The following KLHL1 variants were observed in gnomAD, a reference collection of about 807,000 sequenced individuals.
KLHL1 encodes kelch-like protein 1.
Under a neutral mutation model 77.7 loss-of-function variants are expected in KLHL1, and 47 were observed. The ratio of observed to expected loss-of-function variants is 0.60; its 90% CI spans 0.48 to 0.77. The LOEUF (loss-of-function observed/expected upper bound fraction) is 0.77. Ranked by LOEUF, KLHL1 falls within the 30% of genes least tolerant of loss-of-function variation. KLHL1 has a pLI of 0.00. For missense variants in KLHL1, 925 were observed against 910.8 expected (o/e 1.02, Z -0.20); for synonymous variants, 360 against 325.2 (o/e 1.11, Z -1.15).
rs562977157 is a variant in KLHL1 at position 69,716,902 on chromosome 13, C to A, written c.2015+2467G>T. 6.6e-5 allele frequency among the ~76,000 whole-genome samples: 10 copies of A among 152,238 alleles called. No homozygotes were observed. The East Asian group carries it at 1.9e-3, about 29-fold the overall frequency. On this transcript the variant is annotated intron_variant, in intron 9 of 10. Coordinates refer to ENST00000377844, the MANE Select transcript of KLHL1 (RefSeq NM_020866.3). ...CTTCTGGACCTAATTTCTCCTGAAA[C>A]TCAATGCACATTTTGGACACTGATT...
intron 1 of KLHL1, among the ~76,000 whole-genome samples, chr13:70,051,289 T>C (rs1446062377): frequency 6.6e-6 from 1 of 152,002 alleles, no homozygotes; most frequent in Admixed American, 6.6e-5. Flanking sequence ...GGATGACCAT[T>C]TGATCACAAT....
At chr13:69,735,258 A>G (rs1283526197) in intron 8 of KLHL1, among the ~76,000 whole-genome samples, 1 of 151,680 alleles carries the variant, frequency 6.6e-6, no homozygotes, top group African/African-American at 2.4e-5. Context: ...ATGTATCTCA[A>G]ATAACAACTG....
chr13:70,086,592 AAG>A lies in KLHL1; in HGVS notation c.497+20609_497+20610del, dbSNP rs1238474521. ...TGTCTCAAAAAAAAAAAAAAAAAAA[AAG>A]AAAGAAAGAAAGAAAGAAAGAAAGA... On this transcript the variant is annotated intron_variant, in intron 1 of 10. Coordinates refer to ENST00000377844, the MANE Select transcript of KLHL1 (RefSeq NM_020866.3). 1.8e-3 allele frequency among the ~76,000 whole-genome samples: 64 copies of A among 36,404 alleles called. 1 individual carries two copies. Among genetic ancestry groups the A allele is most frequent in the African/African-American group, 4.5e-3 (48 of 10,664 alleles). The allele number at this position is 36,404 out of a possible 152,430, so 23.9% of individuals were successfully genotyped here.
At chr13:69,904,536 G>T (rs1191946100) in intron 4 of KLHL1, among the ~76,000 whole-genome samples, 1 of 151,940 alleles carries the variant, frequency 6.6e-6, no homozygotes, top group African/African-American at 2.4e-5. Context: ...CATTAGCCCT[G>T]GTACTATATA....
At chr13:70,052,292 T>C (rs191243927) in intron 1 of KLHL1, among the ~76,000 whole-genome samples, 2 of 151,582 alleles carry the variant, frequency 1.3e-5, no homozygotes, top group African/African-American at 4.8e-5. Flanking sequence ...CCATGAAACA[T>C]CAAGATAAAA....
chr13:69,715,205 A>C (rs1439607834), intron 9 of KLHL1, among the ~76,000 whole-genome samples: 2 of 152,160 alleles, frequency 1.3e-5, no homozygotes, highest in Non-Finnish European at 2.9e-5. Flanking sequence ...TGATATGGTT[A>C]GGCTTTGTGT....
Position 69,701,552 on chromosome 13 carries a change from G to T in KLHL1, c.*150C>A. ...TTTCTTGTTTCCTACTATTCTGTTT[G>T]ATCTACTAACTCTTTCAACATCAGT... On this transcript the variant is annotated 3_prime_UTR_variant, in exon 11 of 11. Transcript: ENST00000377844. The T allele has an allele frequency of 1.7e-6, 1 of 604,320 alleles. No homozygotes were observed. The highest frequency in any genetic ancestry group is 3.0e-6 in the Non-Finnish European group (1 of 338,878). The allele number at this position is 604,320 out of a possible 1,614,324, so 37.4% of individuals were successfully genotyped here. A position where few individuals can be genotyped will look rare whatever the true frequency, so the allele number is the denominator to read the frequency against.
At chr13:69,761,313 A>G (rs557669890) in intron 7 of KLHL1, among the ~76,000 whole-genome samples, 26 of 152,172 alleles carry the variant, frequency 1.7e-4, no homozygotes, top group Non-Finnish European at 2.6e-4. Flanking sequence ...CATTTACTTT[A>G]TTTGAACACA....
At chr13:70,034,942 G>T (rs1458664912) in intron 1 of KLHL1, among the ~76,000 whole-genome samples, 1 of 152,082 alleles carries the variant, frequency 6.6e-6, no homozygotes, top group African/African-American at 2.4e-5. Flanking sequence ...TGAAAAGAGT[G>T]TCCTTCACAA....
intron 1 of KLHL1, among the ~76,000 whole-genome samples, chr13:70,002,158 A>G (rs1885307710): frequency 6.6e-6 from 1 of 151,636 alleles, no homozygotes; most frequent in Non-Finnish European, 1.5e-5. Context: ...ACTCCTTAAT[A>G]CATAAAATCA....
At chr13:69,881,971 C>A (rs531850394) in intron 5 of KLHL1, among the ~76,000 whole-genome samples, 11 of 152,160 alleles carry the variant, frequency 7.2e-5, no homozygotes, top group Middle Eastern at 3.4e-3. Context: ...TATATATTAT[C>A]TAATGGATCT....
At chr13:69,805,168 T>TATA (rs112386642) in intron 6 of KLHL1, among the ~76,000 whole-genome samples, 57,629 of 151,454 alleles carry the variant, frequency 0.38, 11,263 homozygotes, top group African/African-American at 0.47. Flanking sequence ...TCTAAATCAT[T>TATA]ATAATTCCAA....
At chr13:70,041,993 A>T (rs1197738692) in intron 1 of KLHL1, among the ~76,000 whole-genome samples, 1 of 152,118 alleles carries the variant, frequency 6.6e-6, no homozygotes, top group Non-Finnish European at 1.5e-5. Context: ...TGGTTAAAGT[A>T]GATTGTTTAT....
At chr13:69,921,831 G>T (rs1640209369) in intron 4 of KLHL1, among the ~76,000 whole-genome samples, 1 of 151,830 alleles carries the variant, frequency 6.6e-6, no homozygotes, top group African/African-American at 2.4e-5. Context: ...TAAGAACAAG[G>T]TTATACAAAA....
intron 1 of KLHL1, among the ~76,000 whole-genome samples, chr13:69,993,646 C>A (rs1316159713): frequency 6.6e-6 from 1 of 152,020 alleles, no homozygotes; most frequent in Non-Finnish European, 1.5e-5. Context: ...TATTTCTTCC[C>A]CTTCTCCCTT....
chr13:69,968,268 A>G (rs987186156), intron 2 of KLHL1, among the ~76,000 whole-genome samples: 1 of 152,042 alleles, frequency 6.6e-6, no homozygotes, highest in African/African-American at 2.4e-5. Flanking sequence ...GTACACATAC[A>G]TACATGATGA....
intron 4 of KLHL1, among the ~76,000 whole-genome samples, chr13:69,890,115 T>C (rs534171215): frequency 3.3e-5 from 5 of 152,170 alleles, no homozygotes; most frequent in African/African-American, 9.6e-5. Context: ...CAGTATAGTA[T>C]TATAAAATAA....
chr13:70,014,227 T>A (rs575736986), intron 1 of KLHL1, among the ~76,000 whole-genome samples: 60 of 152,204 alleles, frequency 3.9e-4, no homozygotes, highest in African/African-American at 1.4e-3. Context: ...TGAAATGAAT[T>A]TGTTATTTCT....
At chr13:69,815,700 G>A (rs988180244) in intron 6 of KLHL1, among the ~76,000 whole-genome samples, 1 of 151,746 alleles carries the variant, frequency 6.6e-6, no homozygotes, top group Non-Finnish European at 1.5e-5. Flanking sequence ...TGTACCCGTG[G>A]AATCTAAAAT....
Sources: allele counts gnomAD v4.1 joint callset (sites outside exome capture counted in the v4.1 genomes callset), GRCh38; gene constraint gnomAD v4.1.1; transcripts MANE v1.5; gene names NCBI Gene and HGNC (gene_info 2026-07-23, HGNC 2026-07-21).